LGALS4: variants seen among roughly 807,000 people sequenced by gnomAD.
LGALS4 encodes galectin-4.
LGALS4 carries 37 observed loss-of-function variants against 39.6 expected under a neutral mutation model. The observed-to-expected ratio is 0.93, with a 90% CI of 0.72 to 1.23. LGALS4 has a LOEUF of 1.23. Among genes scored for constraint, LGALS4 ranks in the 50% most tolerant of loss-of-function variants. LGALS4 has a pLI of 0.00. For synonymous variants in LGALS4, 160 were observed against 165.5 expected, an observed-to-expected ratio of 0.97 and a Z score of 0.25; for missense variants, 397 against 433.2, an observed-to-expected ratio of 0.92 and a Z score of 0.74.
intron 7 of LGALS4, among the ~76,000 whole-genome samples, chr19:38,802,685 GT>G (rs879427825): frequency 1.3e-4 from 18 of 137,454 alleles, no homozygotes; most frequent in South Asian, 2.4e-4. Flanking sequence ...AACAAATTTT[GT>G]TTTTTTTTTT....
Position 38,806,601 on chromosome 19 carries a change from G to A in LGALS4, c.340-6C>T. Reference sequence around the variant, plus strand: ...GGATTTCCATTTACCACCACCTGGAGGGCAGAGATGGGAGGTCAGGAGTCA... The same window carrying A: ...GGATTTCCATTTACCACCACCTGGAAGGCAGAGATGGGAGGTCAGGAGTCA... On this transcript the variant is annotated splice_region_variant and splice_polypyrimidine_tract_variant and intron_variant, in intron 3 of 9. Transcript: ENST00000307751. 1 of 1,613,496 alleles carries A rather than the reference G, an allele frequency of 6.2e-7. No individual in the cohort carries two copies. Among genetic ancestry groups the A allele is most frequent in the Admixed American group, 1.7e-5 (1 of 59,986 alleles).
Position 38,808,871 on chromosome 19 carries a change from C to G in LGALS4, c.212G>C (p.Trp71Ser), listed in dbSNP as rs749026785. ...CAACGTGTTGAAGACCACCTTGTCC[C>G]AGCCGTCAAACCGCGGATTGAAGTG... Reference protein sequence around the residue: ...AFHFNPRFDGWDKVVFNTLQG... With the variant: ...AFHFNPRFDGSDKVVFNTLQG... The change falls in exon 3 of 10, where the codon TGG (tryptophan) becomes TCG (serine). Residue 71 changes from tryptophan to serine, a missense_variant. Trp to Ser is a radical substitution (Grantham distance 177, BLOSUM62 -3). Coordinates refer to ENST00000307751, the MANE Select transcript of LGALS4 (RefSeq NM_006149.4). 5 of 1,614,046 alleles carry G rather than the reference C, an allele frequency of 3.1e-6. No individual in the cohort carries two copies. The African/African-American group carries it at 5.3e-5, about 17-fold the overall frequency.
At chr19:38,805,166 A>AAATTAAT (rs1555719648) in intron 4 of LGALS4, among the ~76,000 whole-genome samples, 158 of 121,090 alleles carry the variant, frequency 1.3e-3, no homozygotes, top group African/African-American at 5.4e-3. Context: ...CCTGCCTCAA[A>AAATTAAT]AATAATAATA....
At chr19:38,806,380 A>C in intron 4 of LGALS4, 81 bp downstream of exon 4, 1 of 1,490,936 alleles carries the variant, frequency 6.7e-7, no homozygotes, top group South Asian at 1.3e-5. Context: ...AAAAAAAAGA[A>C]AAAAAGAAAA....
chr19:38,804,945 C>T (rs191550189), intron 4 of LGALS4, among the ~76,000 whole-genome samples: 49 of 152,080 alleles, frequency 3.2e-4, no homozygotes, highest in African/African-American at 1.2e-3. Flanking sequence ...CACCTGAGGT[C>T]AGGAGTTCAA....
Position 38,801,905 on chromosome 19 carries a change from G to A in LGALS4, c.831C>T (p.Ser277=), listed in dbSNP as rs766315604. ...PFGPGQFFDL[S]IRCGLDRFKV... ...TGAAGCGATCCAAGCCACAGCGAAT[G>A]GACAGCTGCAGGGAGAAGGGTGGGC... Residue 277 remains serine, a synonymous_variant, in exon 10 of 10, where the codon TCC becomes TCT. Coordinates refer to ENST00000307751, the MANE Select transcript of LGALS4 (RefSeq NM_006149.4). 72 of 1,614,200 alleles carry A rather than the reference G, an allele frequency of 4.5e-5. No homozygotes were observed. The highest frequency in any genetic ancestry group is 5.9e-5 in the Non-Finnish European group (70 of 1,180,034).
chr19:38,808,785 C>T lies in LGALS4; in HGVS notation c.298G>A (p.Ala100Thr), dbSNP rs566295391. 28 of 1,614,184 alleles carry T rather than the reference C, an allele frequency of 1.7e-5. No homozygotes were observed. The highest frequency in any genetic ancestry group is 4.4e-5 in the South Asian group (4 of 91,090). ...AGGACTATGAAGACCAGCTCAAAGG[C>T]GGCACCCTTTTTGAAGGGCATGCTC... ...KRSMPFKKGA[A>T]FELVFIVLAE... The change falls in exon 3 of 10, where the codon GCC becomes ACC. Residue 100 changes from alanine to threonine, a missense_variant. Transcript: ENST00000307751.
chr19:38,810,424 G>A (rs1321592348), intron 2 of LGALS4, among the ~76,000 whole-genome samples: 5 of 144,174 alleles, frequency 3.5e-5, no homozygotes, highest in Admixed American at 7.2e-5. Context: ...GTGCAGTGGC[G>A]CAATCTTGGC....
At position 38,806,602 on chromosome 19, in the gene LGALS4, G is replaced by A. The variant is rs1971425314; in HGVS notation, c.340-7C>T. 6.2e-7 allele frequency: 1 copy of A among 1,613,296 alleles called. No individual in the cohort carries two copies. Among genetic ancestry groups the A allele is most frequent in the Non-Finnish European group, 8.5e-7 (1 of 1,179,746 alleles). On this transcript the variant is annotated splice_region_variant and splice_polypyrimidine_tract_variant and intron_variant, in intron 3 of 9. Coordinates refer to ENST00000307751, the MANE Select transcript of LGALS4 (RefSeq NM_006149.4). ...GATTTCCATTTACCACCACCTGGAG[G>A]GCAGAGATGGGAGGTCAGGAGTCAG...
chr19:38,804,422 A>G (rs1265439789), intron 4 of LGALS4, among the ~76,000 whole-genome samples: 1 of 152,050 alleles, frequency 6.6e-6, no homozygotes, highest in Non-Finnish European at 1.5e-5. Flanking sequence ...TGGGATTACA[A>G]GCATGCGCCA....
chr19:38,804,066 G>A (rs1971394260), intron 4 of LGALS4, among the ~76,000 whole-genome samples, 171 bp from the exon 5 acceptor site: 1 of 152,210 alleles, frequency 6.6e-6, no homozygotes, highest in African/African-American at 2.4e-5. Context: ...GGCACCCCAT[G>A]TTCTGGGATC....
intron 2 of LGALS4, among the ~76,000 whole-genome samples, chr19:38,809,175 T>C (rs1378584932): frequency 5.4e-5 from 2 of 37,068 alleles, no homozygotes; most frequent in Middle Eastern, 0.026. Context: ...CTTTCCTTCT[T>C]TTTTTTTTTT....
intron 1 of LGALS4, 57 bp from the exon 2 acceptor site, chr19:38,812,576 C>G: frequency 6.6e-7 from 1 of 1,515,650 alleles, no homozygotes; most frequent in Non-Finnish European, 9.1e-7. Flanking sequence ...GCAGCCTTTA[C>G]CCCTCCCAGA....
chr19:38,802,941 G>A (rs1971375049), intron 7 of LGALS4: 1 of 159,580 alleles, frequency 6.3e-6, no homozygotes, highest in African/African-American at 2.4e-5. Context: ...GCCTCCCAAA[G>A]GGCTGGGATT....
At position 38,806,455 on chromosome 19, in the gene LGALS4, T is replaced by G; in HGVS notation, c.474+6A>C. 4.3e-6 allele frequency: 7 copies of G among 1,614,024 alleles called. No individual in the cohort carries two copies. Among genetic ancestry groups the G allele is most frequent in the Non-Finnish European group, 5.9e-6 (7 of 1,179,926 alleles). On this transcript the variant is annotated splice_donor_region_variant and intron_variant, in intron 4 of 9. Coordinates refer to ENST00000307751, the MANE Select transcript of LGALS4 (RefSeq NM_006149.4). ...AGGACGCAAGAAGGGATGGGACCCC[T>G]CACACCTGGGGCCGGAGGGGCTGGC...
At chr19:38,810,677 A>G (rs1464450129) in intron 2 of LGALS4, among the ~76,000 whole-genome samples, 1 of 150,928 alleles carries the variant, frequency 6.6e-6, no homozygotes, top group Non-Finnish European at 1.5e-5. Context: ...CGATTTTGCC[A>G]TTTTGGCCAG....
chr19:38,808,854 T>G lies in LGALS4; in HGVS notation c.229A>C (p.Asn77His). Residue 77 changes from asparagine to histidine, a missense_variant, in exon 3 of 10, where the codon AAC becomes CAC. By Grantham distance (68) the Asn-to-His change is moderately conservative. Transcript: ENST00000307751. The part of the protein sequence containing the change: ...RFDGWDKVVF[N>H]TLQGGKWGSE... ...CCCCACTTCCCGCCCTGCAACGTGT[T>G]GAAGACCACCTTGTCCCAGCCGTCA... 6.2e-7 allele frequency: 1 copy of G among 1,614,122 alleles called. No homozygotes were observed. The highest frequency in any genetic ancestry group is 8.5e-7 in the Non-Finnish European group (1 of 1,180,016).
rs754398908 is a variant in LGALS4, at chr19:38,808,788, C to T, written c.295G>A (p.Ala99Thr). 3 of 1,614,186 alleles carry T rather than the reference C, an allele frequency of 1.9e-6. No homozygotes were observed. The highest frequency in any genetic ancestry group is 1.1e-5 in the South Asian group (1 of 91,088). The change falls in exon 3 of 10, where the codon GCC becomes ACC. Residue 99 changes from alanine to threonine, a missense_variant. Transcript: ENST00000307751. ...ACTATGAAGACCAGCTCAAAGGCGG[C>T]ACCCTTTTTGAAGGGCATGCTCCTC... ...RKRSMPFKKG[A>T]AFELVFIVLA...
At chr19:38,803,608 A>G in intron 6 of LGALS4, 57 bp from the exon 7 acceptor site, 1 of 1,604,074 alleles carries the variant, frequency 6.2e-7, no homozygotes, top group Non-Finnish European at 8.5e-7. Flanking sequence ...TATCTATGAC[A>G]CACCCATTAG....
Sources: allele counts gnomAD v4.1 joint callset (sites outside exome capture counted in the v4.1 genomes callset), GRCh38; gene constraint gnomAD v4.1.1; transcripts MANE v1.5; gene names NCBI Gene and HGNC (gene_info 2026-07-23, HGNC 2026-07-21).